The following RFX3 variants were observed in gnomAD, a reference collection of about 807,000 sequenced individuals.
RFX3 encodes the protein transcription factor RFX3.
A neutral mutation model predicts 98.6 loss-of-function variants in RFX3; 14 were observed. The ratio of observed to expected loss-of-function variants is 0.14; its 90% CI spans 0.09 to 0.22. The LOEUF is 0.22. Ranked by LOEUF, RFX3 falls within the 10% of genes least tolerant of loss-of-function variation. The pLI is 1.00. For synonymous variants in RFX3, 383 were observed against 328.4 expected (o/e 1.17, Z -1.80); for missense variants, 639 against 926.9 (o/e 0.69, Z 4.03).
chr9:3,347,177 T>G (rs1009319526), intron 2 of RFX3, among the ~76,000 whole-genome samples: 2 of 151,938 alleles, frequency 1.3e-5, no homozygotes, highest in Non-Finnish European at 2.9e-5. Flanking sequence ...AAAAGTAAGC[T>G]GGGTGTGGCG....
intron 1 of RFX3, among the ~76,000 whole-genome samples, chr9:3,506,005 G>T (rs1817055012): frequency 6.6e-6 from 1 of 151,766 alleles, no homozygotes; most frequent in Non-Finnish European, 1.5e-5. Context: ...CTCAAGAAAT[G>T]AATGAAATAA....
chr9:3,398,034 G>A (rs991403068), intron 1 of RFX3, among the ~76,000 whole-genome samples: 6 of 152,154 alleles, frequency 3.9e-5, no homozygotes. Context: ...GAGTATGTGG[G>A]AAACTTCCTT....
intron 4 of RFX3, among the ~76,000 whole-genome samples, chr9:3,329,890 C>G (rs1832390405): frequency 6.6e-6 from 1 of 151,988 alleles, no homozygotes; most frequent in Admixed American, 6.6e-5. Context: ...ATATTTTATT[C>G]TCTGTATTAC....
intron 1 of RFX3, among the ~76,000 whole-genome samples, chr9:3,396,214 C>T (rs1306847291): frequency 5.3e-5 from 8 of 151,890 alleles, no homozygotes; most frequent in East Asian, 1.9e-4. Context: ...CAACAGGCCC[C>T]GATGTGTGAT....
chr9:3,278,587 G>A (rs776381354), intron 7 of RFX3, among the ~76,000 whole-genome samples: 2 of 151,680 alleles, frequency 1.3e-5, no homozygotes, highest in Non-Finnish European at 2.9e-5. Context: ...ATGTGAACAG[G>A]ACATACTCAA....
At chr9:3,484,264 A>C (rs1280608356) in intron 1 of RFX3, among the ~76,000 whole-genome samples, 1 of 152,214 alleles carries the variant, frequency 6.6e-6, no homozygotes, top group African/African-American at 2.4e-5. Context: ...AGCACATAAA[A>C]ATTAAATGAG....
intron 3 of RFX3, among the ~76,000 whole-genome samples, chr9:3,344,565 A>G (rs948625006): frequency 6.6e-6 from 1 of 152,180 alleles, no homozygotes; most frequent in Non-Finnish European, 1.5e-5. Context: ...TAACTGTGAT[A>G]GGTACTATAC....
intron 1 of RFX3, among the ~76,000 whole-genome samples, chr9:3,442,801 T>C (rs977944450): frequency 3.3e-5 from 5 of 152,138 alleles, no homozygotes; most frequent in Non-Finnish European, 5.9e-5. Context: ...GAAGAAGACA[T>C]AAACATATTT....
In RFX3 at chr9:3,256,941, CAT is replaced by C. The variant is rs1389989972; in HGVS notation, c.1814+48_1814+49del. ...AAGCATATACAAACACATACACACACATATTTGCAGAATATGAAGAAGAAAGC... is the reference window on the plus strand; with the variant it reads ...AAGCATATACAAACACATACACACACATTTGCAGAATATGAAGAAGAAAGC... On this transcript the variant is annotated intron_variant, in intron 14 of 16. Transcript: ENST00000617270. 2.7e-6 allele frequency: 4 copies of C among 1,505,218 alleles called. No homozygotes were observed. In the African/African-American group the frequency reaches 5.5e-5, roughly 21 times the overall value. The allele number at this position is 1,505,218 out of a possible 1,614,324, so 93.2% of individuals were successfully genotyped here. A position where few individuals can be genotyped will look rare whatever the true frequency, so the allele number is the denominator to read the frequency against.
intron 1 of RFX3, among the ~76,000 whole-genome samples, chr9:3,415,940 C>T (rs1842942780): frequency 6.6e-6 from 1 of 152,178 alleles, no homozygotes; most frequent in African/African-American, 2.4e-5. Context: ...TCTCTTCAAA[C>T]TCTGAACCTA....
chr9:3,310,557 G>A (rs371533818), intron 4 of RFX3, among the ~76,000 whole-genome samples: 2 of 152,094 alleles, frequency 1.3e-5, no homozygotes, highest in East Asian at 3.9e-4. Context: ...ACAGTGATTT[G>A]AAAATGGAAT....
At chr9:3,501,549 TC>T (rs1039016058) in intron 1 of RFX3, among the ~76,000 whole-genome samples, 4 of 150,922 alleles carry the variant, frequency 2.7e-5, no homozygotes, top group African/African-American at 4.9e-5. Context: ...CATATTTTTT[TC>T]CTTCTTTTTT....
At chr9:3,289,020 T>C (rs938625161) in intron 6 of RFX3, among the ~76,000 whole-genome samples, 1 of 152,076 alleles carries the variant, frequency 6.6e-6, no homozygotes, top group African/African-American at 2.4e-5. Flanking sequence ...ATGTTTGCTA[T>C]TAGAAATGAC....
At chr9:3,515,723 T>G (rs569150428) in intron 1 of RFX3, among the ~76,000 whole-genome samples, 86 of 152,190 alleles carry the variant, frequency 5.7e-4, no homozygotes, top group Non-Finnish European at 1.1e-3. Context: ...CTATGCTGAC[T>G]GAGACTGAAG....
chr9:3,488,003 C>T (rs1850415903), intron 1 of RFX3, among the ~76,000 whole-genome samples: 1 of 152,062 alleles, frequency 6.6e-6, no homozygotes, highest in South Asian at 2.1e-4. Flanking sequence ...GTAGCATGAC[C>T]TATTGAAAAT....
At chr9:3,401,271 A>T (rs143082724) in intron 1 of RFX3, among the ~76,000 whole-genome samples, 24 of 152,368 alleles carry the variant, frequency 1.6e-4, no homozygotes, top group African/African-American at 5.8e-4. Context: ...CCCTCCCGCC[A>T]AATTTTGCTA....
intron 1 of RFX3, among the ~76,000 whole-genome samples, chr9:3,421,231 ACGTTCTGAACTCAAAGCTTAC>A (rs1587611482): frequency 6.6e-6 from 1 of 152,128 alleles, no homozygotes; most frequent in East Asian, 1.9e-4. Flanking sequence ...GGTTTACAGT[ACGTTCTGAACTCAAAGCTTAC>A]AAAGTCTTGA....
intron 3 of RFX3, among the ~76,000 whole-genome samples, chr9:3,343,799 A>G (rs1465890014): frequency 6.6e-6 from 1 of 152,200 alleles, no homozygotes; most frequent in Non-Finnish European, 1.5e-5. Flanking sequence ...ATTATTGGCT[A>G]GAGTTGAGGA....
intron 4 of RFX3, among the ~76,000 whole-genome samples, chr9:3,310,926 ACTTT>A (rs762961647): frequency 6.6e-6 from 1 of 152,210 alleles, no homozygotes; most frequent in Non-Finnish European, 1.5e-5. Flanking sequence ...TTAACAATTT[ACTTT>A]CTAACTGGAA....
Sources: allele counts gnomAD v4.1 joint callset (sites outside exome capture counted in the v4.1 genomes callset), GRCh38; gene constraint gnomAD v4.1.1; transcripts MANE v1.5; gene names NCBI Gene and HGNC (gene_info 2026-07-23, HGNC 2026-07-21).